The following HSPA12A variants were observed in gnomAD, a reference collection of about 807,000 sequenced individuals.
The protein encoded by HSPA12A is heat shock 70 kDa protein 12A.
In HSPA12A, 28 loss-of-function variants were observed where a neutral mutation model predicts 69.2. The ratio of observed to expected loss-of-function variants is 0.40; its 90% CI spans 0.30 to 0.55. The LOEUF is 0.55. Ranked by LOEUF, HSPA12A falls within the 20% of genes least tolerant of loss-of-function variation. The probability of loss-of-function intolerance (pLI) is 0.38; values close to 1 mark genes in which losing one functional copy is unlikely to be tolerated. For synonymous variants in HSPA12A, 345 were observed against 370.5 expected, an observed-to-expected ratio of 0.93 and a Z score of 0.79; for missense variants, 686 against 900.7, an observed-to-expected ratio of 0.76 and a Z score of 3.05.
intron 1 of HSPA12A, among the ~76,000 whole-genome samples, chr10:116,716,555 G>A (rs1355961350): frequency 6.6e-6 from 1 of 152,192 alleles, no homozygotes; most frequent in East Asian, 1.9e-4. Flanking sequence ...TTAGCATTGG[G>A]ATGAGTGGAG....
intron 2 of HSPA12A, among the ~76,000 whole-genome samples, chr10:116,824,088 A>G (rs1259105043): frequency 1.3e-5 from 2 of 152,258 alleles, no homozygotes; most frequent in Non-Finnish European, 2.9e-5. Flanking sequence ...TTAAAAATGG[A>G]CAAAGAACCT....
intron 1 of HSPA12A, among the ~76,000 whole-genome samples, chr10:116,839,851 G>A (rs550699992): frequency 5.7e-4 from 87 of 151,990 alleles, no homozygotes; most frequent in Middle Eastern, 3.4e-3. Flanking sequence ...GGGTACAGAC[G>A]TGTGTGCAAT....
intron 2 of HSPA12A, among the ~76,000 whole-genome samples, chr10:116,795,683 C>CAAA (rs146305919): frequency 3.1e-4 from 38 of 122,576 alleles, no homozygotes; most frequent in African/African-American, 1.0e-3. Context: ...GATTCTGTCT[C>CAAA]AAAAAAAAAA....
intron 2 of HSPA12A, among the ~76,000 whole-genome samples, chr10:116,783,266 C>T (rs186428890): frequency 9.2e-5 from 14 of 152,236 alleles, no homozygotes; most frequent in Admixed American, 3.3e-4. Context: ...GAGGAGGTGA[C>T]GTTGGAGACA....
chr10:116,683,752 G>C (rs3740575), intron 7 of HSPA12A, 39 bp downstream of exon 7: 1 of 1,466,628 alleles, frequency 6.8e-7, no homozygotes, highest in Non-Finnish European at 9.2e-7. Context: ...GGCTTGGGAA[G>C]GAAGGAGAGC....
upstream of HSPA12A, among the ~76,000 whole-genome samples, chr10:116,744,686 C>G (rs946289099): frequency 2.6e-5 from 4 of 152,250 alleles, no homozygotes; most frequent in Non-Finnish European, 4.4e-5. Context: ...ACAACGCGCC[C>G]TGCTGAGCAC....
At chr10:116,813,455 G>A (rs55844134) in intron 2 of HSPA12A, among the ~76,000 whole-genome samples, 1 of 151,836 alleles carries the variant, frequency 6.6e-6, no homozygotes, top group Non-Finnish European at 1.5e-5. Flanking sequence ...CACCGTGTTA[G>A]CCAGGATGGT....
chr10:116,758,842 A>C (rs1843907789), intron 2 of HSPA12A, among the ~76,000 whole-genome samples: 1 of 152,078 alleles, frequency 6.6e-6, no homozygotes, highest in Non-Finnish European at 1.5e-5. Context: ...GATGAGTAGA[A>C]AATAGAAAAG....
intron 3 of HSPA12A, among the ~76,000 whole-genome samples, chr10:116,701,393 C>T (rs1850072904): frequency 6.6e-6 from 1 of 152,262 alleles, no homozygotes; most frequent in Non-Finnish European, 1.5e-5. Context: ...TAAGCATCTA[C>T]ATGTTTGCCA....
intron 2 of HSPA12A, among the ~76,000 whole-genome samples, chr10:116,818,394 C>A (rs1845347224): frequency 6.6e-6 from 1 of 152,038 alleles, no homozygotes; most frequent in African/African-American, 2.4e-5. Flanking sequence ...TACCCAGCTG[C>A]TTGATGCCAG....
At chr10:116,778,046 T>C (rs1189423616) in intron 2 of HSPA12A, among the ~76,000 whole-genome samples, 2 of 152,132 alleles carry the variant, frequency 1.3e-5, no homozygotes, top group Non-Finnish European at 2.9e-5. Context: ...CTCTTAATAA[T>C]GGCTGTGCTT....
Position 116,695,644 on chromosome 10 carries a change from G to A in HSPA12A, c.546+2991C>T, listed in dbSNP as rs373635736. Among the ~76,000 whole-genome samples, 882 of 152,016 alleles carry A rather than the reference G, an allele frequency of 5.8e-3. 8 individuals are homozygous for A. Among genetic ancestry groups the A allele is most frequent in the African/African-American group, 0.02 (835 of 41,504 alleles). On this transcript the variant is annotated intron_variant, in intron 5 of 11. Coordinates refer to ENST00000369209, the MANE Select transcript of HSPA12A (RefSeq NM_025015.3). ...ATCCTGGCTAACATGGTGAAACCCC[G>A]TCTCTACTAAAAATACAAAAAATTA...
intron 1 of HSPA12A, among the ~76,000 whole-genome samples, chr10:116,718,737 G>A (rs1043625404): frequency 2.0e-4 from 31 of 152,096 alleles, no homozygotes; most frequent in African/African-American, 7.5e-4. Context: ...TGCATCTAAA[G>A]CAGATTTTTT....
In HSPA12A at chr10:116,693,220, G is replaced by C. The variant is rs1849786764; in HGVS notation, c.547-753C>G. 2.0e-5 allele frequency among the ~76,000 whole-genome samples: 3 copies of C among 152,146 alleles called. No homozygotes were observed. In the South Asian group the frequency reaches 6.2e-4, roughly 32 times the overall value. ...TCAGGGGCATTTTCCCAACAGGAAGGGAAGGCTATGAATGATATGACCTCA... is the reference window on the plus strand; with the variant it reads ...TCAGGGGCATTTTCCCAACAGGAAGCGAAGGCTATGAATGATATGACCTCA... On this transcript the variant is annotated intron_variant, in intron 5 of 11. Transcript: ENST00000369209.
intron 2 of HSPA12A, among the ~76,000 whole-genome samples, chr10:116,779,187 G>T (rs369160643): frequency 2.0e-5 from 3 of 152,196 alleles, no homozygotes. Context: ...GCGACACATC[G>T]TGGCTGAACT....
chr10:116,742,418 GCC>G lies in HSPA12A; in HGVS notation c.40+10_40+11del, dbSNP rs1851542710. On this transcript the variant is annotated intron_variant, in intron 1 of 11. Coordinates refer to ENST00000369209, the MANE Select transcript of HSPA12A (RefSeq NM_025015.3). ...GCCAGCCGCGGCCGCAGGACCCGCA[GCC>G]TGCGCTCACCTCGGGGCCCGTCGCT... is the stretch of plus-strand genomic sequence containing the variant. 12 of 1,434,922 alleles carry G rather than the reference GCC, an allele frequency of 8.4e-6. No homozygotes were observed. The highest frequency in any genetic ancestry group is 1.1e-5 in the Non-Finnish European group (12 of 1,096,092). 88.9% of individuals were successfully genotyped at this position (1,434,922 alleles called of 1,614,324 possible). A position where few individuals can be genotyped will look rare whatever the true frequency, so the allele number is the denominator to read the frequency against.
At chr10:116,771,020 AG>A (rs554780101) in intron 2 of HSPA12A, among the ~76,000 whole-genome samples, 24 of 72,812 alleles carry the variant, frequency 3.3e-4, no homozygotes, top group African/African-American at 1.2e-3. Context: ...GTGCTGGGGG[AG>A]GGGGCAGTGG....
chr10:116,820,264 ATACT>A (rs2133196437), intron 2 of HSPA12A, among the ~76,000 whole-genome samples: 1 of 152,056 alleles, frequency 6.6e-6, no homozygotes, highest in East Asian at 1.9e-4. Context: ...GAACAGCAAC[ATACT>A]TGTTGACGTG....
chr10:116,741,138 G>A (rs1554887070), intron 1 of HSPA12A, among the ~76,000 whole-genome samples: 2 of 152,088 alleles, frequency 1.3e-5, no homozygotes, highest in African/African-American at 4.8e-5. Context: ...AGTGAGCCCT[G>A]TCAGGATCCC....
Sources: allele counts gnomAD v4.1 joint callset (sites outside exome capture counted in the v4.1 genomes callset), GRCh38; gene constraint gnomAD v4.1.1; transcripts MANE v1.5; gene names NCBI Gene and HGNC (gene_info 2026-07-23, HGNC 2026-07-21).